The following LRBA variants were observed in gnomAD, a reference collection of about 807,000 sequenced individuals.
The protein encoded by LRBA is LPS responsive beige-like anchor protein.
Under a neutral mutation model 330.0 loss-of-function variants are expected in LRBA, and 176 were observed. That is an observed-to-expected ratio of 0.53 (90% CI 0.47 to 0.60). The LOEUF is 0.60. Among genes scored for constraint, LRBA ranks in the 20% least tolerant of loss-of-function variants. The probability of loss-of-function intolerance (pLI) is 0.00; values close to 1 mark genes in which losing one functional copy is unlikely to be tolerated. For synonymous variants in LRBA, 1,230 were observed against 1,193.0 expected (o/e 1.03, Z -0.64); for missense variants, 3,259 against 3,444.8 (o/e 0.95, Z 1.35).
At chr4:150,906,550 A>G (rs1260741442) in intron 11 of LRBA, 145 bp from the exon 12 acceptor site, 4 of 540,304 alleles carry the variant, frequency 7.4e-6, no homozygotes, top group African/African-American at 1.9e-5. Flanking sequence ...TGCTTCCAAC[A>G]TTACATCAGA....
chr4:150,289,368 A>T (rs530671746), intron 53 of LRBA, among the ~76,000 whole-genome samples: 1 of 152,300 alleles, frequency 6.6e-6, no homozygotes, highest in Non-Finnish European at 1.5e-5. Flanking sequence ...GGAACTATTC[A>T]ATGCTAGGAC....
At chr4:150,865,065 A>G (rs532066853) in intron 22 of LRBA, among the ~76,000 whole-genome samples, 1 of 152,316 alleles carries the variant, frequency 6.6e-6, no homozygotes, top group Non-Finnish European at 1.5e-5. Context: ...AACGTGAAAA[A>G]TCTGCTTTAT....
chr4:150,325,869 T>C lies in LRBA; in HGVS notation c.7392A>G (p.Gly2464=), dbSNP rs1163028843. The change falls in exon 49 of 57, where the codon GGA becomes GGG. Residue 2464 remains glycine (G), a synonymous_variant. Transcript: ENST00000651943. ...CTATGAGTAGTTGAGAAGGAGTCTGTCCAAAACTTCGGATTTGAGCTTCAA... is the reference window on the plus strand; with the variant it reads ...CTATGAGTAGTTGAGAAGGAGTCTGCCCAAAACTTCGGATTTGAGCTTCAA... ...EAVEAQIRSF[G]QTPSQLLIEP... is the part of the protein sequence containing the mutation. 1.2e-6 allele frequency: 2 copies of C among 1,613,194 alleles called. No homozygotes were observed. The highest frequency in any genetic ancestry group is 1.7e-6 in the Non-Finnish European group (2 of 1,179,574).
chr4:150,634,963 C>T (rs929480127), intron 37 of LRBA, among the ~76,000 whole-genome samples: 2 of 152,186 alleles, frequency 1.3e-5, no homozygotes, highest in Admixed American at 6.5e-5. Flanking sequence ...AAGTTGACCT[C>T]TCAGGGAAAG....
intron 42 of LRBA, among the ~76,000 whole-genome samples, chr4:150,473,160 T>C (rs768231409): frequency 6.6e-6 from 1 of 152,200 alleles, no homozygotes; most frequent in African/African-American, 2.4e-5. Context: ...ATTTTGATTA[T>C]TACCATTCTA....
chr4:150,307,246 T>G (rs1449119365), intron 52 of LRBA, among the ~76,000 whole-genome samples: 1 of 151,978 alleles, frequency 6.6e-6, no homozygotes, highest in African/African-American at 2.4e-5. Context: ...AGGAACAGAT[T>G]AGTTGTTGCC....
At chr4:150,266,626 C>A (rs1689676708) in intron 56 of LRBA, among the ~76,000 whole-genome samples, 1 of 151,960 alleles carries the variant, frequency 6.6e-6, no homozygotes. Context: ...CAAAAAAAAT[C>A]AACTAAAAAC....
intron 40 of LRBA, among the ~76,000 whole-genome samples, chr4:150,531,387 T>G (rs1026791540): frequency 1.2e-4 from 18 of 152,188 alleles, no homozygotes; most frequent in African/African-American, 3.9e-4. Context: ...CTGCCTAGAA[T>G]GTTCTTTTCA....
chr4:150,839,074 G>A (rs186057393), intron 28 of LRBA, among the ~76,000 whole-genome samples: 57 of 152,240 alleles, frequency 3.7e-4, no homozygotes, highest in Admixed American at 8.5e-4. Context: ...AAAAGTGGGC[G>A]AAGGAGATGA....
intron 49 of LRBA, among the ~76,000 whole-genome samples, chr4:150,324,506 C>G (rs1401015919): frequency 6.7e-6 from 1 of 149,510 alleles, no homozygotes; most frequent in Non-Finnish European, 1.5e-5. Flanking sequence ...CCAATTCATA[C>G]TGCTAGATAA....
intron 37 of LRBA, among the ~76,000 whole-genome samples, chr4:150,626,142 T>G (rs1776839971): frequency 1.3e-5 from 2 of 152,126 alleles, no homozygotes; most frequent in Admixed American, 1.3e-4. Context: ...GAAACTTGGG[T>G]ATTTAACACA....
At chr4:150,633,002 C>A (rs1170741474) in intron 37 of LRBA, among the ~76,000 whole-genome samples, 1 of 152,138 alleles carries the variant, frequency 6.6e-6, no homozygotes, top group African/African-American at 2.4e-5. Flanking sequence ...CTATAATTAC[C>A]CACATGTATG....
chr4:150,519,077 T>C (rs946078196), intron 40 of LRBA, among the ~76,000 whole-genome samples: 3 of 152,146 alleles, frequency 2.0e-5, no homozygotes, highest in South Asian at 2.1e-4. Flanking sequence ...ATAATTCATA[T>C]CAAAATAGCA....
At chr4:150,678,321 T>C (rs1782755188) in intron 37 of LRBA, among the ~76,000 whole-genome samples, 1 of 151,792 alleles carries the variant, frequency 6.6e-6, no homozygotes, top group Non-Finnish European at 1.5e-5. Context: ...GCCATAAGTA[T>C]GTATAATTAT....
In LRBA at chr4:150,325,862, G is replaced by A; in HGVS notation, c.7399C>T (p.Pro2467Ser). The change falls in exon 49 of 57, where the codon CCT (proline) becomes TCT (serine). Residue 2467 changes from proline (P) to serine (S), a missense_variant. By Grantham distance (74) the Pro-to-Ser change is moderately conservative (BLOSUM62 -1). Coordinates refer to ENST00000651943, the MANE Select transcript of LRBA (RefSeq NM_001364905.1). ...EAQIRSFGQT[P>S]SQLLIEPHPP... ...TGGGGCTCTATGAGTAGTTGAGAAG[G>A]AGTCTGTCCAAAACTTCGGATTTGA... 8 of 1,613,512 alleles carry A rather than the reference G, an allele frequency of 5.0e-6. No individual in the cohort carries two copies. The highest frequency in any genetic ancestry group is 6.8e-6 in the Non-Finnish European group (8 of 1,179,678).
intron 53 of LRBA, among the ~76,000 whole-genome samples, chr4:150,291,307 T>C (rs1728260049): frequency 1.0e-5 from 1 of 99,998 alleles, no homozygotes; most frequent in African/African-American, 4.0e-5. Context: ...GGGAGAAAAT[T>C]TTCGCAACCT....
At position 150,273,666 on chromosome 4, in the gene LRBA, A is replaced by G. The variant is rs182304418; in HGVS notation, c.8468+4187T>C. 6.6e-5 allele frequency among the ~76,000 whole-genome samples: 10 copies of G among 152,268 alleles called. No individual in the cohort carries two copies. The East Asian group carries it at 1.5e-3, about 24-fold the overall frequency. The stretch of plus-strand genomic sequence containing the variant: ...AAAAAAAAAGCAGGGTTGCAATCCT[A>G]GTCTCTGATAAAGCAGACTTTAAAT... On this transcript the variant is annotated intron_variant, in intron 56 of 56. Coordinates refer to ENST00000651943, the MANE Select transcript of LRBA (RefSeq NM_001364905.1).
At chr4:151,013,425 TAGG>T (rs1271634612) in intron 2 of LRBA, 2 of 152,186 alleles carry the variant, frequency 1.3e-5, no homozygotes, top group African/African-American at 2.4e-5. Context: ...TCCAGCTACT[TAGG>T]AGACAAGAGG....
At chr4:150,539,864 T>C (rs1371605530) in intron 40 of LRBA, among the ~76,000 whole-genome samples, 2 of 152,194 alleles carry the variant, frequency 1.3e-5, no homozygotes, top group African/African-American at 4.8e-5. Context: ...TTATCAGAAA[T>C]AAAATTCTAG....
Sources: gnomAD v4.1 joint callset for allele counts (sites outside exome capture counted in the v4.1 genomes callset) on GRCh38, gnomAD v4.1.1 for gene constraint, MANE v1.5 for transcripts, NCBI Gene and HGNC (gene_info 2026-07-23, HGNC 2026-07-21) for gene names.